CRHR2: variants seen among roughly 807,000 people sequenced by gnomAD.
The protein encoded by CRHR2 is corticotropin-releasing hormone receptor 2.
Under a neutral mutation model 57.9 loss-of-function variants are expected in CRHR2, and 53 were observed. The observed-to-expected ratio is 0.92, with a 90% CI of 0.73 to 1.15. CRHR2 has a LOEUF of 1.15. Ranked by LOEUF, CRHR2 falls within the 50% of genes most tolerant of loss-of-function variation. The pLI is 0.00. For synonymous variants in CRHR2, 213 were observed against 220.9 expected (o/e 0.96, Z 0.32); for missense variants, 532 against 542.6 (o/e 0.98, Z 0.19).
At chr7:30,667,187 C>CTG (rs779285703) in intron 3 of CRHR2, 41 bp downstream of exon 3, 1 of 1,578,168 alleles carries the variant, frequency 6.3e-7, no homozygotes, top group South Asian at 1.1e-5. Flanking sequence ...GTCCAAATAC[C>CTG]TGTGTGAGGC....
chr7:30,697,683 T>A (rs1172873304), intron 1 of CRHR2, among the ~76,000 whole-genome samples: 1 of 152,134 alleles, frequency 6.6e-6, no homozygotes, highest in Non-Finnish European at 1.5e-5. Flanking sequence ...GAGCTCCCCA[T>A]GTCCTCAGAT....
intron 1 of CRHR2, among the ~76,000 whole-genome samples, chr7:30,697,122 G>C (rs771123723): frequency 4.6e-5 from 7 of 152,216 alleles, no homozygotes; most frequent in Non-Finnish European, 7.3e-5. Context: ...TATGTTAGGG[G>C]ACACTGTGGA....
At chr7:30,673,147 T>C (rs1784417281) in intron 2 of CRHR2, among the ~76,000 whole-genome samples, 1 of 152,230 alleles carries the variant, frequency 6.6e-6, no homozygotes, top group Non-Finnish European at 1.5e-5. Flanking sequence ...TCCAGCCATC[T>C]TCTTGTCTGG....
intron 8 of CRHR2, among the ~76,000 whole-genome samples, chr7:30,658,850 G>C (rs983895283): frequency 6.6e-6 from 1 of 152,228 alleles, no homozygotes; most frequent in African/African-American, 2.4e-5. Context: ...CCAGAAATAA[G>C]TGAGTGTCTC....
chr7:30,677,897 C>T (rs563394667), intron 2 of CRHR2, among the ~76,000 whole-genome samples: 50 of 152,308 alleles, frequency 3.3e-4, no homozygotes, highest in South Asian at 4.1e-4. Context: ...TGGCAAGATC[C>T]CAACTCTACA....
chr7:30,694,336 G>A (rs562116975), intron 1 of CRHR2, among the ~76,000 whole-genome samples: 1 of 152,194 alleles, frequency 6.6e-6, no homozygotes, highest in Admixed American at 6.5e-5. Context: ...CAAAGGAGAG[G>A]CCCTGGCTGG....
rs146600078 is a variant in CRHR2 at position 30,653,380 on chromosome 7, G to A, written c.*80C>T. On this transcript the variant is annotated 3_prime_UTR_variant, in exon 12 of 12. Transcript: ENST00000471646. This position sits in a 1 kb window ranked among gnomAD's most constrained non-coding sequence, Gnocchi z 5.0. ...TCTCCCCTCCCATCTCCTGCCCCAC[G>A]AGAGCCTGCCCAGCACAGAGAACCC... 1.2e-3 allele frequency: 1,845 copies of A among 1,540,576 alleles called. 39 individuals carry two copies. The East Asian group carries it at 0.036, about 30-fold the overall frequency.
chr7:30,665,143 G>A lies in CRHR2; in HGVS notation c.470C>T (p.Thr157Ile), dbSNP rs1784136297. 6.2e-7 allele frequency: 1 copy of A among 1,614,138 alleles called. No individual in the cohort carries two copies. The highest frequency in any genetic ancestry group is 8.5e-7 in the Non-Finnish European group (1 of 1,180,030). Residue 157 changes from threonine to isoleucine, a missense_variant, in exon 5 of 12, where the codon ACC (threonine) becomes ATC (isoleucine). Thr to Ile is a moderately conservative substitution (Grantham distance 89). Coordinates refer to ENST00000471646, the MANE Select transcript of CRHR2 (RefSeq NM_001883.5). This position sits in a 1 kb window ranked among gnomAD's most constrained non-coding sequence, Gnocchi z 4.5. ...LRNVIHWNLITTFILRNVMWF... is the reference protein window; with the variant it reads ...LRNVIHWNLIITFILRNVMWF... Reference sequence around the variant, plus strand: ...CATGACATTTCGCAGGATAAAGGTGGTGATGAGGTTCCAGTGAATCACATT... The same window carrying A: ...CATGACATTTCGCAGGATAAAGGTGATGATGAGGTTCCAGTGAATCACATT...
Position 30,653,653 on chromosome 7 carries a change from T to G in CRHR2, c.1096-53A>C. 1 of 1,542,110 alleles carries G rather than the reference T, an allele frequency of 6.5e-7. No individual in the cohort carries two copies. ...CTCCCAGGGACCAACCCTGGGCTTC[T>G]GGGACCATCCCCTCCTCTGCTTTCT... On this transcript the variant is annotated intron_variant, in intron 11 of 11. Transcript: ENST00000471646. The surrounding 1 kb of genome is among the most constrained non-coding windows in gnomAD (Gnocchi z 5.0).
intron 1 of CRHR2, among the ~76,000 whole-genome samples, chr7:30,689,469 A>G (rs1178782803): frequency 6.6e-6 from 1 of 152,194 alleles, no homozygotes; most frequent in African/African-American, 2.4e-5. Context: ...GACCGAAGAA[A>G]GGCCTCAGAA....
intron 2 of CRHR2, 148 bp from the exon 3 acceptor site, chr7:30,667,461 T>C: frequency 3.2e-6 from 2 of 634,910 alleles, no homozygotes; most frequent in Non-Finnish European, 5.5e-6. Flanking sequence ...TACATGTAAG[T>C]CACTTATGTG....
intron 2 of CRHR2, among the ~76,000 whole-genome samples, chr7:30,673,933 G>A (rs2128145344): frequency 6.6e-6 from 1 of 152,294 alleles, no homozygotes; most frequent in South Asian, 2.1e-4. Context: ...CCCAGCCACT[G>A]GGTGGGAAAG....
chr7:30,675,178 C>G (rs921730002), intron 2 of CRHR2, among the ~76,000 whole-genome samples: 2 of 152,174 alleles, frequency 1.3e-5, no homozygotes, highest in African/African-American at 4.8e-5. Context: ...TCTGAAGCAC[C>G]TGGTGAGGGT....
At chr7:30,680,585 G>A (rs1029490641) in intron 2 of CRHR2, among the ~76,000 whole-genome samples, 1 of 152,166 alleles carries the variant, frequency 6.6e-6, no homozygotes, top group Non-Finnish European at 1.5e-5. Flanking sequence ...GTCAGGACTA[G>A]GAAGGCACAG....
upstream of CRHR2, among the ~76,000 whole-genome samples, chr7:30,685,601 T>G (rs1784840331): frequency 6.6e-6 from 1 of 152,176 alleles, no homozygotes; most frequent in African/African-American, 2.4e-5. Context: ...CACCCTATCC[T>G]ACTCCACTGC....
chr7:30,658,066 C>G (rs1035951458), intron 8 of CRHR2, among the ~76,000 whole-genome samples: 5 of 152,212 alleles, frequency 3.3e-5, no homozygotes, highest in Admixed American at 2.6e-4. Context: ...CCCCACTCAT[C>G]TCAGCTTGGG....
upstream of CRHR2, among the ~76,000 whole-genome samples, chr7:30,686,892 G>A (rs1200894934): frequency 6.6e-6 from 1 of 152,104 alleles, no homozygotes; most frequent in Admixed American, 6.5e-5. Flanking sequence ...ATTAGCCCAT[G>A]CATGGCTTAA....
chr7:30,674,037 C>T (rs138525138), intron 2 of CRHR2, among the ~76,000 whole-genome samples: 79 of 152,296 alleles, frequency 5.2e-4, no homozygotes, highest in African/African-American at 1.7e-3. Context: ...GCTCTCTGAG[C>T]CTCGACTGCC....
chr7:30,694,230 C>G (rs943971372), intron 1 of CRHR2, among the ~76,000 whole-genome samples: 1 of 152,224 alleles, frequency 6.6e-6, no homozygotes, highest in African/African-American at 2.4e-5. Context: ...ATTTCCTTCT[C>G]TCTGAACTTT....
Sources: gnomAD v4.1 joint callset for allele counts (sites outside exome capture counted in the v4.1 genomes callset) on GRCh38, gnomAD v4.1.1 for gene constraint, Gnocchi (gnomAD v3.1) non-coding constraint, MANE v1.5 for transcripts, NCBI Gene and HGNC (gene_info 2026-07-23, HGNC 2026-07-21) for gene names.